The following PATJ variants were observed in gnomAD, a reference collection of about 807,000 sequenced individuals.
The protein encoded by PATJ is inaD-like protein.
PATJ carries 190 observed loss-of-function variants against 224.9 expected under a neutral mutation model. That is an observed-to-expected ratio of 0.84 (90% confidence interval 0.75 to 0.95). The LOEUF (loss-of-function observed/expected upper bound fraction) is 0.95, where lower values mean the gene tolerates loss of function less well. Ranked by LOEUF, PATJ falls within the 40% of genes least tolerant of loss-of-function variation. PATJ has a pLI of 0.00. For missense variants in PATJ, 2,121 were observed against 2,270.3 expected (o/e 0.93, Z 1.34); for synonymous variants, 769 against 820.3 (o/e 0.94, Z 1.07).
chr1:62,146,485 A>G (rs1322403859), intron 41 of PATJ, among the ~76,000 whole-genome samples: 3 of 152,154 alleles, frequency 2.0e-5, no homozygotes, highest in Non-Finnish European at 2.9e-5. Flanking sequence ...AGAAAAACGA[A>G]TAGAATTTTA....
chr1:61,879,464 T>C (rs1421829583), intron 21 of PATJ, among the ~76,000 whole-genome samples: 1 of 152,214 alleles, frequency 6.6e-6, no homozygotes, highest in Non-Finnish European at 1.5e-5. Flanking sequence ...AGTTTGAAGC[T>C]GTGCTGTTTG....
chr1:61,742,660 G>C lies in PATJ; in HGVS notation c.-36+105G>C, dbSNP rs1447140094. Reference sequence around the variant, plus strand: ...CCCTCGGGGCTTCCCGGGCCTGCCTGCCCTGCCCCCGCGCTCTCCCCGCCC... The same window carrying C: ...CCCTCGGGGCTTCCCGGGCCTGCCTCCCCTGCCCCCGCGCTCTCCCCGCCC... On this transcript the variant is annotated intron_variant, in intron 1 of 43. Transcript: ENST00000642238. 2.0e-5 allele frequency: 3 copies of C among 149,686 alleles called. No individual in the cohort carries two copies. The East Asian group carries it at 5.9e-4, about 29-fold the overall frequency. 9.3% of individuals were successfully genotyped at this position (149,686 alleles called of 1,614,324 possible).
intron 43 of PATJ, among the ~76,000 whole-genome samples, chr1:62,156,054 T>TAAAAAAAAAA (rs34300724): frequency 4.6e-5 from 2 of 43,066 alleles, no homozygotes; most frequent in East Asian, 1.1e-3. Context: ...CAAGACTCTG[T>TAAAAAAAAAA]AAAAAAAAAA....
intron 1 of PATJ, among the ~76,000 whole-genome samples, chr1:61,744,284 C>CAAAA (rs35247131): frequency 0.027 from 1,756 of 65,754 alleles, 41 homozygotes; most frequent in African/African-American, 0.032. Flanking sequence ...AACCCTGTCT[C>CAAAA]AAAAAAAAAA....
intron 27 of PATJ, among the ~76,000 whole-genome samples, chr1:61,934,370 G>A (rs1415346474): frequency 1.3e-5 from 2 of 152,108 alleles, no homozygotes; most frequent in Non-Finnish European, 2.9e-5. Context: ...CGCCTGCTTT[G>A]GCCTCCCAGA....
rs1271392153 is a variant in PATJ, at chr1:61,813,365, A to ATT, written c.1683+4836_1683+4837insTT. ...TATATATATATATATATATATATATATATATATATATATACACACACACAC... is the reference window on the plus strand; with the variant it reads ...TATATATATATATATATATATATATATTTATATATATATATACACACACACAC... On this transcript the variant is annotated intron_variant, in intron 14 of 43. Transcript: ENST00000642238. Among the ~76,000 whole-genome samples the ATT allele has an allele frequency of 2.2e-3, 108 of 48,338 alleles. 2 individuals carry two copies. Among genetic ancestry groups the ATT allele is most frequent in the African/African-American group, 7.8e-3 (102 of 13,106 alleles). The allele number at this position is 48,338 out of a possible 152,430, so 31.7% of individuals were successfully genotyped here.
intron 33 of PATJ, among the ~76,000 whole-genome samples, chr1:62,085,171 A>C (rs1659800924): frequency 1.3e-5 from 2 of 152,174 alleles, no homozygotes; most frequent in Non-Finnish European, 2.9e-5. Context: ...CTGAGGCAGG[A>C]GAATCACTTG....
At chr1:62,038,952 T>C in intron 30 of PATJ, 1 of 1,343,994 alleles carries the variant, frequency 7.4e-7, no homozygotes, top group Non-Finnish European at 1.1e-6. Flanking sequence ...CCCTGTCAGA[T>C]GAGCATGCTG....
At chr1:62,117,361 T>C in intron 37 of PATJ, 143 bp downstream of exon 37, 1 of 1,434,546 alleles carries the variant, frequency 7.0e-7, no homozygotes, top group Admixed American at 2.9e-5. Flanking sequence ...TTCATGTGTT[T>C]GAAATAAAAA....
At chr1:61,991,865 T>C in intron 28 of PATJ, 1 of 389,096 alleles carries the variant, frequency 2.6e-6, no homozygotes, top group Non-Finnish European at 3.5e-6. Context: ...GTAAAAATGA[T>C]GAAAGTTAGA....
At chr1:62,038,107 C>A in intron 30 of PATJ, 58 bp downstream of exon 30, 1 of 1,065,128 alleles carries the variant, frequency 9.4e-7, no homozygotes, top group South Asian at 1.8e-5. Flanking sequence ...TGAGCATTTT[C>A]CCCCAATCTG....
At chr1:62,095,406 A>G (rs1661283406) in intron 33 of PATJ, among the ~76,000 whole-genome samples, 1 of 152,234 alleles carries the variant, frequency 6.6e-6, no homozygotes, top group Non-Finnish European at 1.5e-5. Context: ...CCAAAGGTGG[A>G]GAAGATAAGT....
At chr1:61,963,905 G>A (rs1043107270) in intron 27 of PATJ, among the ~76,000 whole-genome samples, 3 of 152,082 alleles carry the variant, frequency 2.0e-5, no homozygotes, top group African/African-American at 7.2e-5. Context: ...AATCAGAAGG[G>A]AGTGGAAATT....
intron 31 of PATJ, among the ~76,000 whole-genome samples, chr1:62,053,172 C>T (rs933114156): frequency 6.6e-6 from 1 of 152,174 alleles, no homozygotes; most frequent in Non-Finnish European, 1.5e-5. Context: ...GCCTGGAGGC[C>T]TGAGGGTCAT....
At chr1:61,921,719 A>C (rs1300271611) in intron 26 of PATJ, among the ~76,000 whole-genome samples, 1 of 152,196 alleles carries the variant, frequency 6.6e-6, no homozygotes. Context: ...ATTTGTAAAA[A>C]AGTCTAGAAA....
chr1:62,013,257 C>A, intron 28 of PATJ: 1 of 664,310 alleles, frequency 1.5e-6, no homozygotes, highest in Non-Finnish European at 1.9e-6. Flanking sequence ...ACTAAAGAAG[C>A]AGACATATCC....
chr1:61,867,776 G>A (rs1345521596), intron 20 of PATJ, among the ~76,000 whole-genome samples: 4 of 151,944 alleles, frequency 2.6e-5, no homozygotes, highest in African/African-American at 4.8e-5. Flanking sequence ...ACTTACACCC[G>A]TTGATCAGGA....
At chr1:61,774,002 C>T (rs1249524406) in intron 6 of PATJ, among the ~76,000 whole-genome samples, 1 of 151,418 alleles carries the variant, frequency 6.6e-6, no homozygotes, top group Non-Finnish European at 1.5e-5. Flanking sequence ...TACCTGTAGT[C>T]CCAGCTACTC....
chr1:61,858,951 A>T (rs1335355628), intron 18 of PATJ, among the ~76,000 whole-genome samples: 1 of 152,128 alleles, frequency 6.6e-6, no homozygotes, highest in Non-Finnish European at 1.5e-5. Context: ...TGGTCAACAG[A>T]TGATGCCATG....
Sources: allele counts gnomAD v4.1 joint callset (sites outside exome capture counted in the v4.1 genomes callset), GRCh38; gene constraint gnomAD v4.1.1; transcripts MANE v1.5; gene names NCBI Gene and HGNC (gene_info 2026-07-23, HGNC 2026-07-21).